Variants in TCEAL2 observed in about 807,000 individuals in gnomAD.
TCEAL2 encodes transcription elongation factor A protein-like 2.
For missense variants in TCEAL2, 169 were observed against 166.6 expected, an observed-to-expected ratio of 1.01 and a Z score of -0.08; for synonymous variants, 65 against 57.9, an observed-to-expected ratio of 1.12 and a Z score of -0.55.
At chrX:102,126,021 T>C (rs1391021099) in intron 1 of TCEAL2, 1 of 126,026 alleles carries the variant, frequency 7.9e-6, no homozygotes, top group Non-Finnish European at 1.6e-5. Context: ...TCCATTTTAG[T>C]GCTGGAAATG....
chrX:102,126,960 G>T lies in TCEAL2; in HGVS notation c.130G>T (p.Glu44Ter), dbSNP rs775294152. 8.3e-7 allele frequency: 1 copy of T among 1,210,469 alleles called. No individual in the cohort carries two copies. Among genetic ancestry groups the T allele is most frequent in the East Asian group, 3.0e-5 (1 of 33,775 alleles). The stretch of plus-strand genomic sequence containing the variant: ...TCTGGAAGACAAGAAGTTAGAAAAC[G>T]AGGGAAACACAGAAAACACGGGCAA... ...CILEDKKLEN[E>*]GNTENTGKRV... is the part of the protein sequence containing the mutation. Residue 44 changes from glutamate to a stop codon, truncating the protein, a stop_gained, in exon 3 of 3, where the codon GAG becomes TAG. Coordinates refer to ENST00000372780, the MANE Select transcript of TCEAL2 (RefSeq NM_080390.4). LOFTEE classifies it low-confidence loss of function (END_TRUNC).
At chrX:102,126,210 C>T in intron 1 of TCEAL2, 163 bp from the exon 2 acceptor site, 1 of 544,635 alleles carries the variant, frequency 1.8e-6, no homozygotes, top group African/African-American at 2.3e-5. Context: ...GGAAAGCATC[C>T]TGGTTTGGTG....
rs1166641945 is a variant in TCEAL2, at chrX:102,127,503, C to T, written c.673C>T (p.Pro225Ser). 8.5e-7 allele frequency: 1 copy of T among 1,171,032 alleles called. No individual in the cohort carries two copies. Among genetic ancestry groups the T allele is most frequent in the South Asian group, 2.0e-5 (1 of 49,259 alleles). Residue 225 changes from proline (P) to serine (S), a missense_variant, in exon 3 of 3, where the codon CCT becomes TCT. Pro to Ser is a moderately conservative substitution (Grantham distance 74). Transcript: ENST00000372780. ...RAPRRDTEDIPYV is the reference protein window; with the variant it reads ...RAPRRDTEDISYV ...CCCACGAAGGGACACTGAAGACATT[C>T]CTTATGTGTAGTGTCCCTGGCAGGC...
rs1932899606 is a variant in TCEAL2 at position 102,127,056 on chromosome X, TC to T, written c.227del (p.Ser76Ter). The T allele has an allele frequency of 8.4e-7, 1 of 1,193,427 alleles. No individual in the cohort carries two copies. Among genetic ancestry groups the T allele is most frequent in the Non-Finnish European group, 1.1e-6 (1 of 886,130 alleles). On this transcript the variant is annotated frameshift_variant, in exon 3 of 3. Coordinates refer to ENST00000372780, the MANE Select transcript of TCEAL2 (RefSeq NM_080390.4). LOFTEE classifies it low-confidence loss of function (END_TRUNC). ...SAGKAKGEGK[S>X]ERKGKSEMQG... ...GGGAAAGGCAAAAGGAGAAGGAAAG[TC>T]AGAGAGGAAGGGAAAGTCAGAGATG...
intron 1 of TCEAL2, 195 bp from the exon 2 acceptor site, chrX:102,126,178 G>C: frequency 2.4e-6 from 1 of 413,791 alleles, no homozygotes; most frequent in Non-Finnish European, 3.9e-6. Context: ...GGGGAAGGGG[G>C]ACACAGAGAC....
Position 102,127,506 on chromosome X carries a change from T to C in TCEAL2, c.676T>C (p.Tyr226His). 2 of 1,168,904 alleles carry C rather than the reference T, an allele frequency of 1.7e-6. No homozygotes were observed. Among genetic ancestry groups the C allele is most frequent in the South Asian group, 2.0e-5 (1 of 48,976 alleles). Residue 226 changes from tyrosine to histidine, a missense_variant, in exon 3 of 3, where the codon TAT becomes CAT. Physicochemically the swap from Tyr to His is moderately conservative, Grantham distance 83. Coordinates refer to ENST00000372780, the MANE Select transcript of TCEAL2 (RefSeq NM_080390.4). ...APRRDTEDIP[Y>H]V is the part of the protein sequence containing the mutation. ...ACGAAGGGACACTGAAGACATTCCT[T>C]ATGTGTAGTGTCCCTGGCAGGCATT...
chrX:102,126,745 T>A, intron 2 of TCEAL2, 59 bp from the exon 3 acceptor site: 1 of 1,037,997 alleles, frequency 9.6e-7, no homozygotes, highest in Non-Finnish European at 1.3e-6. Context: ...TTCCACCCCA[T>A]GCCCTCAGTC....
At position 102,127,088 on chromosome X, in the gene TCEAL2, AGGATCAAAGACAGAG is replaced by A; in HGVS notation, c.262_276del (p.Ser88_Gly92del). 1 of 1,193,322 alleles carries A rather than the reference AGGATCAAAGACAGAG, an allele frequency of 8.4e-7. No homozygotes were observed. The highest frequency in any genetic ancestry group is 1.1e-6 in the Non-Finnish European group (1 of 883,345). ...GGAAGGGAAAGTCAGAGATGCAGGG[AGGATCAAAGACAGAG>A]GGAAAGCCAGAGAGAGGGGGAAGGG... On this transcript the variant is annotated inframe_deletion, in exon 3 of 3. Transcript: ENST00000372780.
intron 1 of TCEAL2, chrX:102,126,156 C>T: frequency 2.9e-6 from 1 of 348,292 alleles, no homozygotes. Context: ...GGCGCTGGGG[C>T]AGGTTGCCTC....
In TCEAL2 at chrX:102,127,128, G is replaced by A; in HGVS notation, c.298G>A (p.Ala100Thr). The stretch of plus-strand genomic sequence containing the variant: ...GGGAAAGCCAGAGAGAGGGGGAAGG[G>A]CAGAGGGTGAAGGAGAGCCAGACAG... The part of the protein sequence containing the change: ...TEGKPERGGR[A>T]EGEGEPDSER... The change falls in exon 3 of 3, where the codon GCA becomes ACA. Residue 100 changes from alanine (A) to threonine (T), a missense_variant. Ala to Thr is a moderately conservative substitution (Grantham distance 58). Coordinates refer to ENST00000372780, the MANE Select transcript of TCEAL2 (RefSeq NM_080390.4). 8.3e-7 allele frequency: 1 copy of A among 1,202,471 alleles called. No individual in the cohort carries two copies. The highest frequency in any genetic ancestry group is 1.1e-6 in the Non-Finnish European group (1 of 888,745).
intron 2 of TCEAL2, 102 bp downstream of exon 2, chrX:102,126,547 T>C (rs759744447): frequency 1.4e-4 from 80 of 586,086 alleles, no homozygotes; most frequent in Non-Finnish European, 2.1e-4. Context: ...TCCCCTTACC[T>C]ACATGAACAC....
intron 2 of TCEAL2, 99 bp downstream of exon 2, chrX:102,126,544 A>T: frequency 1.7e-6 from 1 of 589,030 alleles, no homozygotes; most frequent in South Asian, 2.8e-5. Context: ...CCATCCCCTT[A>T]CCTACATGAA....
chrX:102,126,327 C>G lies in TCEAL2; in HGVS notation c.-100-46C>G, dbSNP rs929078643. On this transcript the variant is annotated intron_variant, in intron 1 of 2. Transcript: ENST00000372780. ...GGAAAGGGAACCGAGTCCCTGTGAG[C>G]CCGCTAAGCGCGCAGCCCCTGCCCC... The G allele has an allele frequency of 1.1e-5, 10 of 938,002 alleles. No individual in the cohort carries two copies. The African/African-American group carries it at 1.6e-4, about 15-fold the overall frequency. The allele number at this position is 938,002 out of a possible 1,213,427, so 77.3% of individuals were successfully genotyped here.
chrX:102,126,559 C>T, intron 2 of TCEAL2, 114 bp downstream of exon 2: 1 of 568,580 alleles, frequency 1.8e-6, no homozygotes. Context: ...CATGAACACA[C>T]ACCTTACCAG....
intron 1 of TCEAL2, 181 bp from the exon 2 acceptor site, chrX:102,126,191 AC>A (rs1456637242): frequency 8.6e-6 from 4 of 463,936 alleles, no homozygotes; most frequent in Non-Finnish European, 1.3e-5. Flanking sequence ...ACAGAGACAA[AC>A]GCAGTTTGGA....
At position 102,127,176 on chromosome X, in the gene TCEAL2, G is replaced by A. The variant is rs1932900561; in HGVS notation, c.346G>A (p.Gly116Arg). 1.7e-6 allele frequency: 2 copies of A among 1,210,926 alleles called. No individual in the cohort carries two copies. ...CAGTGAAAGAGAGCCAGAGAGTGAG[G>A]GAGAGCCAGAAAGTGAAACAAGGGC... ...PDSEREPESE[G>R]EPESETRAAG... is the part of the protein sequence containing the mutation. Residue 116 changes from glycine to arginine, a missense_variant, in exon 3 of 3, where the codon GGA becomes AGA. Transcript: ENST00000372780.
In TCEAL2 at chrX:102,125,756, G is replaced by A. The variant is rs992602410; in HGVS notation, c.-151G>A. On this transcript the variant is annotated 5_prime_UTR_variant, in exon 1 of 3. Transcript: ENST00000372780. ...TGCCCAGGCGGCGGGGGAGCAGCGAGCGGGCTTCAGCGAGCCGCAGGAGGC... is the reference window on the plus strand; with the variant it reads ...TGCCCAGGCGGCGGGGGAGCAGCGAACGGGCTTCAGCGAGCCGCAGGAGGC... 2.7e-5 allele frequency: 3 copies of A among 111,845 alleles called. No homozygotes were observed. Among genetic ancestry groups the A allele is most frequent in the African/African-American group, 9.7e-5 (3 of 30,783 alleles). The allele number at this position is 111,845 out of a possible 1,213,427, so 9.2% of individuals were successfully genotyped here. A position where few individuals can be genotyped will look rare whatever the true frequency, so the allele number is the denominator to read the frequency against.
At chrX:102,125,871 A>G (rs1184959462) in intron 1 of TCEAL2, 65 bp downstream of exon 1, 1 of 95,511 alleles carries the variant, frequency 1.0e-5, no homozygotes, top group Non-Finnish European at 2.1e-5. Flanking sequence ...TGGCAGTAGG[A>G]TTGGGGAGGG....
Position 102,126,949 on chromosome X carries a change from A to C in TCEAL2, c.119A>C (p.Lys40Thr), listed in dbSNP as rs745764653. The C allele has an allele frequency of 8.2e-7, 1 of 1,212,255 alleles. No homozygotes were observed. Among genetic ancestry groups the C allele is most frequent in the East Asian group, 3.0e-5 (1 of 33,865 alleles). Reference protein sequence around the residue: ...PEVACILEDKKLENEGNTENT... With the variant: ...PEVACILEDKTLENEGNTENT... ...GTAGCTTGTATTCTGGAAGACAAGA[A>C]GTTAGAAAACGAGGGAAACACAGAA... The change falls in exon 3 of 3, where the codon AAG becomes ACG. Residue 40 changes from lysine (K) to threonine (T), a missense_variant. Physicochemically the swap from Lys to Thr is moderately conservative, Grantham distance 78. Transcript: ENST00000372780.
Sources: allele counts gnomAD v4.1 joint callset, GRCh38; gene constraint gnomAD v4.1.1; transcripts MANE v1.5; gene names NCBI Gene and HGNC (gene_info 2026-07-23, HGNC 2026-07-21).